Variants in ZNF718 observed in about 807,000 individuals in gnomAD.
The protein encoded by ZNF718 is zinc finger protein 718.
A neutral mutation model predicts 2.6 loss-of-function variants in ZNF718; 3 were observed. The ratio of observed to expected loss-of-function variants is 1.16; its 90% CI spans 0.53 to 3.01. The LOEUF is 3.01. Among genes scored for constraint, ZNF718 ranks in the 30% most tolerant of loss-of-function variants. The pLI is 0.03. For synonymous variants in ZNF718, 135 were observed against 77.9 expected, an observed-to-expected ratio of 1.73 and a Z score of -3.86; for missense variants, 468 against 230.0, an observed-to-expected ratio of 2.03 and a Z score of -6.69.
intron 3 of ZNF718, among the ~76,000 whole-genome samples, chr4:199,239 G>A (rs1041807642): frequency 6.6e-6 from 1 of 152,222 alleles, no homozygotes. Context: ...TTTGAGCCTA[G>A]CCTTTCTTTG....
At chr4:160,810 G>T in intron 3 of ZNF718, 102 bp from the exon 4 acceptor site, 1 of 643,516 alleles carries the variant, frequency 1.6e-6, no homozygotes, top group South Asian at 2.1e-5. Flanking sequence ...CTTGGCCTCG[G>T]AAACTGCTGG....
In ZNF718 at chr4:159,002, A is replaced by G. The variant is rs1300171308; in HGVS notation, c.227-1910A>G. 2.8e-5 allele frequency among the ~76,000 whole-genome samples: 4 copies of G among 144,644 alleles called. 1 individual carries two copies. The highest frequency in any genetic ancestry group is 2.8e-4 in the Admixed American group (4 of 14,506). 94.9% of individuals were successfully genotyped at this position (144,644 alleles called of 152,430 possible). ...TTTTTAGGACAGTTTTGCTGGTTAT[A>G]TTAGTCCCACTTAGGAGCTATTCTT... is the stretch of plus-strand genomic sequence containing the variant. On this transcript the variant is annotated intron_variant, in intron 3 of 3. Transcript: ENST00000510175.
intron 3 of ZNF718, among the ~76,000 whole-genome samples, chr4:143,705 A>C (rs1715914641): frequency 6.6e-6 from 1 of 152,120 alleles, no homozygotes; most frequent in South Asian, 2.1e-4. Flanking sequence ...TTTTAACCAA[A>C]CACGTTTGCT....
At chr4:125,493 G>T (rs1239712647) in intron 1 of ZNF718, among the ~76,000 whole-genome samples, 1 of 152,194 alleles carries the variant, frequency 6.6e-6, no homozygotes, top group Admixed American at 6.5e-5. Flanking sequence ...TGGACACCCC[G>T]TTGGGGTTGG....
At chr4:137,900 ATCTT>A (rs1715643781) in intron 3 of ZNF718, among the ~76,000 whole-genome samples, 1 of 152,192 alleles carries the variant, frequency 6.6e-6, no homozygotes, top group Admixed American at 6.5e-5. Flanking sequence ...CAATGTCATA[ATCTT>A]TCTTCCTGTA....
intron 1 of ZNF718, chr4:124,977 C>G (rs141845826): frequency 2.9e-6 from 1 of 346,452 alleles, no homozygotes; most frequent in Non-Finnish European, 5.4e-6. Flanking sequence ...AGCTGTGGTC[C>G]GGAATCCCGT....
At chr4:158,938 A>G (rs1191910525) in intron 3 of ZNF718, among the ~76,000 whole-genome samples, 1 of 146,988 alleles carries the variant, frequency 6.8e-6, no homozygotes, top group African/African-American at 2.5e-5. Flanking sequence ...ATACTTTTTC[A>G]GCATTTGGTT....
At chr4:196,952 G>T (rs1485108756) in intron 3 of ZNF718, among the ~76,000 whole-genome samples, 2 of 150,616 alleles carry the variant, frequency 1.3e-5, no homozygotes, top group African/African-American at 4.9e-5. Flanking sequence ...CCCATATGAG[G>T]CCACTAAATG....
downstream of ZNF718, among the ~76,000 whole-genome samples, chr4:165,820 G>T (rs184234134): frequency 9.8e-4 from 149 of 152,016 alleles, no homozygotes; most frequent in African/African-American, 3.4e-3. Flanking sequence ...ATTTCTTGGA[G>T]ACAGTGATAG....
At chr4:200,332 G>T (rs1717874013) in intron 3 of ZNF718, among the ~76,000 whole-genome samples, 1 of 152,174 alleles carries the variant, frequency 6.6e-6, no homozygotes, top group African/African-American at 2.4e-5. Flanking sequence ...GTGTGATCTT[G>T]GCTCACTGCA....
chr4:187,085 G>A lies in ZNF718; in HGVS notation c.227-13996G>A, dbSNP rs781921695. Among the ~76,000 whole-genome samples the A allele has an allele frequency of 4.6e-5, 7 of 152,232 alleles. No individual in the cohort carries two copies. The East Asian group carries it at 9.6e-4, about 21-fold the overall frequency. ...TTGCTGACCTTTGGATGGGGTTATT[G>A]TGGGGGTTTTTTGTTGTCGTTTGTC... On this transcript the variant is annotated intron_variant and NMD_transcript_variant, in intron 3 of 4. Transcript: ENST00000642529.
rs546838512 is a variant in ZNF718 at position 197,758 on chromosome 4, CTT to C, written c.227-3320_227-3319del. On this transcript the variant is annotated intron_variant and NMD_transcript_variant, in intron 3 of 4. Coordinates refer to the ZNF718 transcript ENST00000642529. ...CTGGCAGGTGGAAAGCACTCACTGA[CTT>C]TTAGTTTAAGCACATGAGTAATATG... Among the ~76,000 whole-genome samples the C allele has an allele frequency of 8.5e-5, 13 of 152,332 alleles. No homozygotes were observed. In the South Asian group the frequency reaches 1.9e-3, roughly 22 times the overall value.
chr4:198,083 G>A (rs555830402), intron 3 of ZNF718, among the ~76,000 whole-genome samples: 72 of 152,236 alleles, frequency 4.7e-4, no homozygotes, highest in African/African-American at 1.7e-3. Context: ...GGGTAGCAGT[G>A]GCACTTGCTT....
At chr4:143,886 G>C (rs1715925275) in intron 3 of ZNF718, among the ~76,000 whole-genome samples, 1 of 152,054 alleles carries the variant, frequency 6.6e-6, no homozygotes, top group Admixed American at 6.6e-5. Flanking sequence ...CCAGCATAAA[G>C]CAGTTACAGA....
rs546681461 is a variant in ZNF718, at chr4:157,669, ACT to A, written c.227-3238_227-3237del. On this transcript the variant is annotated intron_variant, in intron 3 of 3. Transcript: ENST00000510175. Reference sequence around the variant, plus strand: ...GTAAGATTTTCAGTTTTTTTATTCTACTCTCTTTCCAGTTTGGTCATAAAAAG... The same window carrying A: ...GTAAGATTTTCAGTTTTTTTATTCTACTCTTTCCAGTTTGGTCATAAAAAG... 1.5e-4 allele frequency among the ~76,000 whole-genome samples: 23 copies of A among 151,774 alleles called. No individual in the cohort carries two copies. In the East Asian group the frequency reaches 4.5e-3, roughly 29 times the overall value.
intron 3 of ZNF718, among the ~76,000 whole-genome samples, chr4:154,487 A>G (rs1261967955): frequency 2.6e-5 from 4 of 152,186 alleles, no homozygotes; most frequent in African/African-American, 9.6e-5. Flanking sequence ...ATCCAGTCCA[A>G]GGTGCTCTCA....
intron 3 of ZNF718, among the ~76,000 whole-genome samples, chr4:155,259 C>G (rs1321966201): frequency 6.6e-6 from 1 of 152,220 alleles, no homozygotes; most frequent in East Asian, 1.9e-4. Context: ...AGAGTCCCCA[C>G]TGGGGCACTG....
rs1715102633 is a variant in ZNF718 at position 124,535 on chromosome 4, A to G, written c.-136A>G. The G allele has an allele frequency of 8.0e-7, 1 of 1,245,354 alleles. No homozygotes were observed. The highest frequency in any genetic ancestry group is 1.2e-5 in the South Asian group (1 of 84,100). 77.1% of individuals were successfully genotyped at this position (1,245,354 alleles called of 1,614,324 possible). ...TTGTAGCTCCAGCCAGAGCTCGGTT[A>G]GGGCCTCATCGCTCTGCTCCCGCTC... is the stretch of plus-strand genomic sequence containing the variant. On this transcript the variant is annotated 5_prime_UTR_variant, in exon 1 of 4. Transcript: ENST00000510175.
intron 3 of ZNF718, among the ~76,000 whole-genome samples, chr4:192,601 C>T (rs73213577): frequency 0.23 from 35,177 of 151,998 alleles, 4,401 homozygotes; most frequent in Non-Finnish European, 0.29. Flanking sequence ...CTGGACAACT[C>T]TTAACTGCTA....
Sources: allele counts gnomAD v4.1 joint callset (sites outside exome capture counted in the v4.1 genomes callset), GRCh38; gene constraint gnomAD v4.1.1; transcripts MANE v1.5; gene names NCBI Gene and HGNC (gene_info 2026-07-23, HGNC 2026-07-21).